Variants in PIGL observed in about 807,000 individuals in gnomAD.
PIGL encodes phosphatidylinositol glycan anchor biosynthesis class L.
Under a neutral mutation model 31.1 loss-of-function variants are expected in PIGL, and 22 were observed. That is an observed-to-expected ratio of 0.71 (90% confidence interval 0.51 to 1.01). PIGL has a LOEUF of 1.01. Among genes scored for constraint, PIGL ranks in the 50% least tolerant of loss-of-function variants. The probability of loss-of-function intolerance (pLI) is 0.00; values close to 1 mark genes in which losing one functional copy is unlikely to be tolerated. For synonymous variants in PIGL, 131 were observed against 117.4 expected, an observed-to-expected ratio of 1.12 and a Z score of -0.75; for missense variants, 302 against 315.9, an observed-to-expected ratio of 0.96 and a Z score of 0.33.
intron 2 of PIGL, among the ~76,000 whole-genome samples, chr17:16,240,920 G>A (rs1463666619): frequency 1.3e-5 from 2 of 151,746 alleles, no homozygotes; most frequent in South Asian, 2.1e-4. Flanking sequence ...TTCGAGACCA[G>A]CCTGACCAAC....
chr17:16,291,272 T>A (rs2092958990), intron 2 of PIGL, among the ~76,000 whole-genome samples: 2 of 151,248 alleles, frequency 1.3e-5, no homozygotes, highest in South Asian at 4.2e-4. Context: ...CTTTGGAGGC[T>A]GAGGCGGGCG....
rs545036083 is a variant in PIGL at position 16,239,243 on chromosome 17, G to A, written c.335+5173G>A. Among the ~76,000 whole-genome samples the A allele has an allele frequency of 1.1e-4, 16 of 151,364 alleles. No homozygotes were observed. The East Asian group carries it at 3.2e-3, about 30-fold the overall frequency. On this transcript the variant is annotated intron_variant, in intron 2 of 6. Coordinates refer to ENST00000225609, the MANE Select transcript of PIGL (RefSeq NM_004278.4). ...TCACGCCTGTAATCCCAGCACTTTGGGAGGCCGAGGCAGGCGGATCAGGAG... is the reference window on the plus strand; with the variant it reads ...TCACGCCTGTAATCCCAGCACTTTGAGAGGCCGAGGCAGGCGGATCAGGAG...
intron 2 of PIGL, among the ~76,000 whole-genome samples, chr17:16,276,051 G>A (rs2092893886): frequency 6.6e-6 from 1 of 152,070 alleles, no homozygotes; most frequent in South Asian, 2.1e-4. Flanking sequence ...GCGTCATTAT[G>A]GTGAGGGCCA....
At chr17:16,296,347 C>G (rs1479876595) in intron 2 of PIGL, among the ~76,000 whole-genome samples, 6 of 152,036 alleles carry the variant, frequency 3.9e-5, no homozygotes, top group Admixed American at 1.3e-4. Context: ...TGCAGTGGCT[C>G]ACACCTGTAA....
At position 16,245,624 on chromosome 17, in the gene PIGL, C is replaced by A. The variant is rs151292229; in HGVS notation, c.335+11554C>A. ...TTCACCATGTTGGGCAGGATGGTCT[C>A]GATCTCTTGACCTCATGATCTGCCC... On this transcript the variant is annotated intron_variant, in intron 2 of 6. Transcript: ENST00000225609. 6.7e-4 allele frequency among the ~76,000 whole-genome samples: 99 copies of A among 147,140 alleles called. 1 individual carries two copies. The East Asian group carries it at 0.018, about 26-fold the overall frequency.
chr17:16,273,067 G>T (rs1481828538), intron 2 of PIGL, among the ~76,000 whole-genome samples: 1 of 152,042 alleles, frequency 6.6e-6, no homozygotes, highest in Non-Finnish European at 1.5e-5. Flanking sequence ...CTCATTTTTT[G>T]AGCATATACT....
At chr17:16,254,849 G>C (rs929794516) in intron 2 of PIGL, among the ~76,000 whole-genome samples, 2 of 151,212 alleles carry the variant, frequency 1.3e-5, no homozygotes, top group African/African-American at 4.9e-5. Flanking sequence ...TGATCCACCC[G>C]CCTCGGCCTC....
At chr17:16,268,505 A>G (rs1170438913) in intron 2 of PIGL, among the ~76,000 whole-genome samples, 3 of 152,128 alleles carry the variant, frequency 2.0e-5, no homozygotes, top group Admixed American at 6.6e-5. Flanking sequence ...CTGGACTGCA[A>G]TGGTGCCATC....
intron 6 of PIGL, among the ~76,000 whole-genome samples, chr17:16,321,235 GC>G (rs1163994907): frequency 8.5e-5 from 12 of 141,776 alleles, no homozygotes; most frequent in African/African-American, 3.3e-4. Flanking sequence ...ACTGCGCCGG[GC>G]CTTTTTTTTT....
intron 2 of PIGL, among the ~76,000 whole-genome samples, chr17:16,255,358 C>A (rs1325763695): frequency 3.9e-5 from 6 of 152,246 alleles, no homozygotes; most frequent in Admixed American, 1.3e-4. Flanking sequence ...AAGGTTTCAG[C>A]ACAATAAAAA....
At chr17:16,232,845 C>T (rs555189957) in intron 1 of PIGL, among the ~76,000 whole-genome samples, 4 of 151,590 alleles carry the variant, frequency 2.6e-5, no homozygotes, top group Non-Finnish European at 5.9e-5. Flanking sequence ...GTTTGCTGGG[C>T]GCAGTGGCTC....
At chr17:16,256,316 A>G (rs917392872) in intron 2 of PIGL, among the ~76,000 whole-genome samples, 1 of 151,884 alleles carries the variant, frequency 6.6e-6, no homozygotes, top group African/African-American at 2.4e-5. Flanking sequence ...TCATAATATA[A>G]TATTGAGGGT....
intron 2 of PIGL, among the ~76,000 whole-genome samples, chr17:16,252,474 G>A (rs2092776902): frequency 6.6e-6 from 1 of 151,954 alleles, no homozygotes; most frequent in Non-Finnish European, 1.5e-5. Context: ...CTGCTACTTA[G>A]TTGGAGCCAG....
At chr17:16,290,074 CCTT>C (rs368888738) in intron 2 of PIGL, among the ~76,000 whole-genome samples, 7 of 151,758 alleles carry the variant, frequency 4.6e-5, no homozygotes, top group African/African-American at 1.7e-4. Context: ...CAGCACCCGG[CCTT>C]CTTTTTTTTC....
chr17:16,222,589 T>C (rs1398132222), intron 1 of PIGL, among the ~76,000 whole-genome samples: 1 of 152,128 alleles, frequency 6.6e-6, no homozygotes, highest in Non-Finnish European at 1.5e-5. Context: ...GGTTTTTCTC[T>C]GTTCTAAAAC....
chr17:16,246,672 CTT>C (rs1197171634), intron 2 of PIGL, among the ~76,000 whole-genome samples: 12 of 64,172 alleles, frequency 1.9e-4, no homozygotes, highest in East Asian at 3.5e-4. Context: ...AGATCAAGGT[CTT>C]TTTTTTTTTT....
chr17:16,304,321 A>G (rs936725207), intron 3 of PIGL, among the ~76,000 whole-genome samples: 1 of 152,238 alleles, frequency 6.6e-6, no homozygotes, highest in African/African-American at 2.4e-5. Context: ...GGATGAGAGC[A>G]TAAGCTCTCC....
chr17:16,251,422 C>CAA (rs34657944), intron 2 of PIGL, among the ~76,000 whole-genome samples: 2 of 126,302 alleles, frequency 1.6e-5, no homozygotes, highest in African/African-American at 5.8e-5. Flanking sequence ...GACTCTGTCT[C>CAA]AAAAAAAAAA....
intron 1 of PIGL, among the ~76,000 whole-genome samples, chr17:16,230,016 C>T (rs961098223): frequency 3.3e-5 from 5 of 152,028 alleles, no homozygotes; most frequent in Non-Finnish European, 5.9e-5. Flanking sequence ...CGTGTGCCCA[C>T]CATGCCCAGC....
Sources: allele counts gnomAD v4.1 joint callset (sites outside exome capture counted in the v4.1 genomes callset), GRCh38; gene constraint gnomAD v4.1.1; transcripts MANE v1.5; gene names NCBI Gene and HGNC (gene_info 2026-07-23, HGNC 2026-07-21).